SNTB1: variants seen among roughly 807,000 people sequenced by gnomAD.
The protein encoded by SNTB1 is beta-1-syntrophin.
Under a neutral mutation model 48.9 loss-of-function variants are expected in SNTB1, and 36 were observed. That is an observed-to-expected ratio of 0.74 (90% CI 0.56 to 0.97). SNTB1 has a LOEUF of 0.97. SNTB1 is among the 50% of genes least tolerant of loss of function. The pLI is 0.00. For missense variants in SNTB1, 786 were observed against 703.4 expected, an observed-to-expected ratio of 1.12 and a Z score of -1.33; for synonymous variants, 299 against 294.6, an observed-to-expected ratio of 1.01 and a Z score of -0.15.
rs1380783731 is a variant in SNTB1, at chr8:120,738,688, A to G, written c.572-44780T>C. On this transcript the variant is annotated intron_variant, in intron 1 of 6. Coordinates refer to ENST00000517992, the MANE Select transcript of SNTB1 (RefSeq NM_021021.4). ...GTTATCAACCAAAAACCTCAAAACA[A>G]GTACTTTAAAGCTGAGAAGAAAATG... Among the ~76,000 whole-genome samples, 4 of 152,184 alleles carry G rather than the reference A, an allele frequency of 2.6e-5. No homozygotes were observed. The East Asian group carries it at 7.7e-4, about 29-fold the overall frequency.
At chr8:120,610,357 G>A (rs949011150) in intron 3 of SNTB1, among the ~76,000 whole-genome samples, 4 of 152,088 alleles carry the variant, frequency 2.6e-5, no homozygotes, top group African/African-American at 4.8e-5. Context: ...GTCTGGTCTC[G>A]AACTCCTGAC....
intron 3 of SNTB1, among the ~76,000 whole-genome samples, chr8:120,582,500 T>C (rs1307028152): frequency 6.6e-6 from 1 of 152,144 alleles, no homozygotes; most frequent in Admixed American, 6.5e-5. Flanking sequence ...AAATCTGTTT[T>C]TTTGAGATCA....
At chr8:120,668,326 T>G (rs1817707153) in intron 2 of SNTB1, among the ~76,000 whole-genome samples, 1 of 152,216 alleles carries the variant, frequency 6.6e-6, no homozygotes, top group Non-Finnish European at 1.5e-5. Context: ...CATTGCAGTA[T>G]CACACATTTT....
At chr8:120,791,046 A>G (rs1308224683) in intron 1 of SNTB1, among the ~76,000 whole-genome samples, 1 of 151,748 alleles carries the variant, frequency 6.6e-6, no homozygotes, top group Non-Finnish European at 1.5e-5. Context: ...TTTTGGTTAC[A>G]TGTTTTGTAA....
intron 4 of SNTB1, among the ~76,000 whole-genome samples, chr8:120,553,718 G>T (rs143012813): frequency 0.011 from 1,603 of 152,308 alleles, 28 homozygotes; most frequent in African/African-American, 0.037. Flanking sequence ...TCTCTAAGAG[G>T]CTGGACAGGG....
intron 3 of SNTB1, among the ~76,000 whole-genome samples, chr8:120,587,093 T>C (rs1008039412): frequency 1.3e-5 from 2 of 152,078 alleles, no homozygotes; most frequent in African/African-American, 4.8e-5. Flanking sequence ...TGGTAGCGCG[T>C]GCCTGTAATT....
intron 1 of SNTB1, among the ~76,000 whole-genome samples, chr8:120,772,110 C>CCA (rs1371242292): frequency 6.6e-6 from 1 of 152,078 alleles, no homozygotes; most frequent in Non-Finnish European, 1.5e-5. Flanking sequence ...CTCAAGTGAT[C>CCA]CACCTGCCTC....
At chr8:120,606,462 A>G (rs1816522029) in intron 3 of SNTB1, among the ~76,000 whole-genome samples, 1 of 151,446 alleles carries the variant, frequency 6.6e-6, no homozygotes, top group African/African-American at 2.4e-5. Context: ...ATCATTACAC[A>G]GCTTCTTAAA....
chr8:120,670,331 A>G (rs1278845475), intron 2 of SNTB1, among the ~76,000 whole-genome samples: 1 of 152,182 alleles, frequency 6.6e-6, no homozygotes, highest in Non-Finnish European at 1.5e-5. Context: ...CTCAAACCCA[A>G]TTCTGTCACT....
intron 2 of SNTB1, among the ~76,000 whole-genome samples, chr8:120,662,507 T>C (rs1817605113): frequency 6.6e-6 from 1 of 152,202 alleles, no homozygotes; most frequent in Non-Finnish European, 1.5e-5. Context: ...TGAAAGAAAT[T>C]AACCCAAAAC....
intron 1 of SNTB1, among the ~76,000 whole-genome samples, chr8:120,715,746 C>CT (rs1044430091): frequency 6.6e-6 from 1 of 152,132 alleles, no homozygotes; most frequent in Non-Finnish European, 1.5e-5. Context: ...TTCTCCTTTC[C>CT]TTTTTTTCCC....
intron 2 of SNTB1, among the ~76,000 whole-genome samples, chr8:120,667,198 G>A (rs1010798724): frequency 6.6e-6 from 1 of 151,180 alleles, no homozygotes; most frequent in African/African-American, 2.4e-5. Context: ...ATAGTTCACT[G>A]CAGCCTCAAG....
chr8:120,552,898 G>T (rs1317313101), intron 4 of SNTB1, among the ~76,000 whole-genome samples: 1 of 152,078 alleles, frequency 6.6e-6, no homozygotes, highest in African/African-American at 2.4e-5. Flanking sequence ...GGTCCCATCT[G>T]GGGGTGATGA....
At chr8:120,567,869 T>C (rs1815779489) in intron 4 of SNTB1, among the ~76,000 whole-genome samples, 1 of 152,166 alleles carries the variant, frequency 6.6e-6, no homozygotes, top group Non-Finnish European at 1.5e-5. Context: ...TATTTATAAA[T>C]TAGACCTCAA....
At chr8:120,798,897 G>A (rs2130172966) in intron 1 of SNTB1, among the ~76,000 whole-genome samples, 1 of 152,150 alleles carries the variant, frequency 6.6e-6, no homozygotes, top group South Asian at 2.1e-4. Context: ...AGTATATTAT[G>A]TCTCCTCTGC....
At chr8:120,566,285 C>T (rs1347622884) in intron 4 of SNTB1, among the ~76,000 whole-genome samples, 9 of 141,168 alleles carry the variant, frequency 6.4e-5, no homozygotes, top group South Asian at 2.3e-4. Context: ...GCTGAGATTG[C>T]GCCATTGCAC....
At chr8:120,583,575 A>G (rs1816085463) in intron 3 of SNTB1, among the ~76,000 whole-genome samples, 1 of 150,850 alleles carries the variant, frequency 6.6e-6, no homozygotes, top group Admixed American at 6.6e-5. Context: ...CTGGAACAGT[A>G]CTATCTCTCT....
chr8:120,661,587 G>A (rs370574128), intron 2 of SNTB1, among the ~76,000 whole-genome samples: 23 of 152,184 alleles, frequency 1.5e-4, no homozygotes, highest in Admixed American at 3.3e-4. Context: ...CTATCAACCC[G>A]TCATCTAGGT....
chr8:120,552,898 G>C (rs1317313101), intron 4 of SNTB1, among the ~76,000 whole-genome samples: 1 of 152,078 alleles, frequency 6.6e-6, no homozygotes, highest in Non-Finnish European at 1.5e-5. Context: ...GGTCCCATCT[G>C]GGGGTGATGA....
Sources: gnomAD v4.1 joint callset for allele counts (sites outside exome capture counted in the v4.1 genomes callset) on GRCh38, gnomAD v4.1.1 for gene constraint, MANE v1.5 for transcripts, NCBI Gene and HGNC (gene_info 2026-07-23, HGNC 2026-07-21) for gene names.